The following ASIC2 variants were observed in gnomAD, a reference collection of about 807,000 sequenced individuals.
The protein encoded by ASIC2 is acid sensing ion channel subunit 2.
Under a neutral mutation model 57.3 loss-of-function variants are expected in ASIC2, and 25 were observed. The ratio of observed to expected loss-of-function variants is 0.44; its 90% CI spans 0.32 to 0.61. ASIC2 has a LOEUF of 0.61. Ranked by LOEUF, ASIC2 falls within the 20% of genes least tolerant of loss-of-function variation. The pLI is 0.06. For synonymous variants in ASIC2, 319 were observed against 307.5 expected, an observed-to-expected ratio of 1.04 and a Z score of -0.39; for missense variants, 641 against 738.1, an observed-to-expected ratio of 0.87 and a Z score of 1.52.
At chr17:33,748,039 A>G (rs1319288960) in intron 1 of ASIC2, among the ~76,000 whole-genome samples, 1 of 152,256 alleles carries the variant, frequency 6.6e-6, no homozygotes, top group African/African-American at 2.4e-5. Flanking sequence ...TGAGGAAGTC[A>G]AGGCTTGCGA....
chr17:33,089,264 A>G (rs576296187), intron 2 of ASIC2, among the ~76,000 whole-genome samples: 1 of 152,336 alleles, frequency 6.6e-6, no homozygotes, highest in Middle Eastern at 3.4e-3. Context: ...AGAGGTTCCT[A>G]TGAAAGGGAG....
At chr17:33,293,750 C>T (rs978983273), upstream of ASIC2, among the ~76,000 whole-genome samples, 3 of 151,930 alleles carry the variant, frequency 2.0e-5, no homozygotes, top group East Asian at 1.9e-4. Context: ...CTGCGGGTGG[C>T]GTGCTGTGGC....
chr17:33,615,530 G>A lies in ASIC2; in HGVS notation c.556-503463C>T, dbSNP rs578148805. On this transcript the variant is annotated intron_variant, in intron 1 of 9. Coordinates refer to the ASIC2 transcript ENST00000359872. ...GAAGACTTCTAAGGTTAACTTGAAG[G>A]ACTCCCACTGCTAAGAGGCTAAGGT... is the stretch of plus-strand genomic sequence containing the variant. 5.3e-5 allele frequency among the ~76,000 whole-genome samples: 8 copies of A among 152,260 alleles called. No individual in the cohort carries two copies. In the South Asian group the frequency reaches 1.5e-3, roughly 28 times the overall value.
At chr17:33,742,735 A>T (rs541919484) in intron 1 of ASIC2, among the ~76,000 whole-genome samples, 1 of 152,282 alleles carries the variant, frequency 6.6e-6, no homozygotes, top group African/African-American at 2.4e-5. Flanking sequence ...TCTGATGTTC[A>T]TTGGTCACAA....
intron 1 of ASIC2, among the ~76,000 whole-genome samples, chr17:33,386,834 A>G (rs901918241): frequency 6.6e-6 from 1 of 152,076 alleles, no homozygotes; most frequent in Non-Finnish European, 1.5e-5. Context: ...AGTTCCTCCA[A>G]CACATCAAGT....
intron 1 of ASIC2, chr17:33,634,909 A>T (rs1470161529): frequency 6.6e-6 from 1 of 151,996 alleles, no homozygotes; most frequent in Non-Finnish European, 1.5e-5. Flanking sequence ...GAGGAGAGAG[A>T]CAGTCAATAA....
At chr17:33,524,223 T>C (rs776811869) in intron 1 of ASIC2, among the ~76,000 whole-genome samples, 11 of 152,242 alleles carry the variant, frequency 7.2e-5, no homozygotes, top group Admixed American at 3.9e-4. Flanking sequence ...CAGAATGTGC[T>C]GATATACCGT....
intron 1 of ASIC2, among the ~76,000 whole-genome samples, chr17:34,110,659 T>C (rs1157851506): frequency 1.3e-5 from 2 of 152,088 alleles, no homozygotes; most frequent in African/African-American, 2.4e-5. Flanking sequence ...AAAAAAATCA[T>C]CGGTTAGGAA....
At chr17:33,968,062 G>C (rs1308645751) in intron 1 of ASIC2, among the ~76,000 whole-genome samples, 1 of 152,184 alleles carries the variant, frequency 6.6e-6, no homozygotes, top group South Asian at 2.1e-4. Context: ...CAAGACTCTT[G>C]TCAATACCCG....
At chr17:33,777,280 T>A (rs1471176575) in intron 1 of ASIC2, among the ~76,000 whole-genome samples, 1 of 151,664 alleles carries the variant, frequency 6.6e-6, no homozygotes, top group East Asian at 1.9e-4. Context: ...AATGAATGAA[T>A]GGGGAAAAAG....
At chr17:33,080,091 A>T (rs368309590) in intron 3 of ASIC2, among the ~76,000 whole-genome samples, 38 of 152,076 alleles carry the variant, frequency 2.5e-4, no homozygotes, top group African/African-American at 9.2e-4. Context: ...GCAGTCTGGG[A>T]ATTATGGGAA....
chr17:33,368,061 G>A (rs181671222), intron 1 of ASIC2, among the ~76,000 whole-genome samples: 49 of 152,226 alleles, frequency 3.2e-4, no homozygotes, highest in African/African-American at 1.1e-3. Context: ...CATTCCACAA[G>A]TTCTTACAGT....
intron 1 of ASIC2, among the ~76,000 whole-genome samples, chr17:33,784,148 G>A (rs1379926561): frequency 2.6e-5 from 4 of 152,140 alleles, no homozygotes; most frequent in Non-Finnish European, 5.9e-5. Flanking sequence ...ATCAGCCCTG[G>A]CTCCACCACT....
At position 33,212,400 on chromosome 17, in the gene ASIC2, GC is replaced by G. The variant is rs142971237; in HGVS notation, c.708+79007del. Among the ~76,000 whole-genome samples the G allele has an allele frequency of 6.2e-3, 941 of 152,236 alleles. 9 individuals carry two copies. Among genetic ancestry groups the G allele is most frequent in the African/African-American group, 0.021 (888 of 41,526 alleles). ...TGGCTACAATCCAAGGAATGTGGCG[GC>G]CCCTAGAAGCCGGAAGAGGAAGGAA... On this transcript the variant is annotated intron_variant, in intron 1 of 9. Coordinates refer to ENST00000225823, the MANE Select transcript of ASIC2 (RefSeq NM_183377.2).
At chr17:33,888,901 C>T (rs1335252187) in intron 1 of ASIC2, among the ~76,000 whole-genome samples, 9 of 152,052 alleles carry the variant, frequency 5.9e-5, no homozygotes, top group East Asian at 1.9e-4. Flanking sequence ...AGTATAATAA[C>T]GTAGGAACCA....
intron 1 of ASIC2, among the ~76,000 whole-genome samples, chr17:34,011,354 C>T (rs1906752085): frequency 6.6e-6 from 1 of 152,074 alleles, no homozygotes; most frequent in South Asian, 2.1e-4. Context: ...TTTTTGGGCT[C>T]AGGTCACTCA....
chr17:33,746,370 A>ATACATGTATATC (rs1228986417), intron 1 of ASIC2, among the ~76,000 whole-genome samples: 117 of 148,998 alleles, frequency 7.9e-4, no homozygotes, highest in African/African-American at 2.8e-3. Flanking sequence ...ATATGTAGAT[A>ATACATGTATATC]TACATGTATA....
chr17:33,864,658 A>C (rs1914185839), intron 1 of ASIC2, among the ~76,000 whole-genome samples: 1 of 152,166 alleles, frequency 6.6e-6, no homozygotes, highest in Non-Finnish European at 1.5e-5. Flanking sequence ...GCGAACAGGT[A>C]CCCTATGCAC....
chr17:33,105,234 C>A (rs1048247254), intron 2 of ASIC2, among the ~76,000 whole-genome samples: 1 of 152,086 alleles, frequency 6.6e-6, no homozygotes, highest in African/African-American at 2.4e-5. Context: ...AGGAAGAGAC[C>A]CAGTGGGAGG....
Sources: gnomAD v4.1 joint callset for allele counts (sites outside exome capture counted in the v4.1 genomes callset) on GRCh38, gnomAD v4.1.1 for gene constraint, MANE v1.5 for transcripts, NCBI Gene and HGNC (gene_info 2026-07-23, HGNC 2026-07-21) for gene names.